The following USP38 variants were observed in gnomAD, a reference collection of about 807,000 sequenced individuals.
USP38 encodes ubiquitin carboxyl-terminal hydrolase 38.
USP38 carries 49 observed loss-of-function variants against 94.3 expected under a neutral mutation model. The ratio of observed to expected loss-of-function variants is 0.52; its 90% CI spans 0.41 to 0.66. The LOEUF is 0.66. Among genes scored for constraint, USP38 ranks in the 30% least tolerant of loss-of-function variants. USP38 has a pLI of 0.00. For missense variants in USP38, 1,128 were observed against 1,229.4 expected, an observed-to-expected ratio of 0.92 and a Z score of 1.23; for synonymous variants, 468 against 463.6, an observed-to-expected ratio of 1.01 and a Z score of -0.12.
chr4:143,190,862 C>T (rs1429838691), intron 2 of USP38, among the ~76,000 whole-genome samples: 1 of 152,060 alleles, frequency 6.6e-6, no homozygotes, highest in East Asian at 1.9e-4. Context: ...CCACTACCTA[C>T]TAAGTCGAAT....
intron 6 of USP38, among the ~76,000 whole-genome samples, chr4:143,208,542 C>G (rs1731934415): frequency 6.6e-6 from 1 of 152,030 alleles, no homozygotes; most frequent in Non-Finnish European, 1.5e-5. Context: ...AGAAAAATGT[C>G]TCTTAATTTG....
Position 143,220,749 on chromosome 4 carries a change from G to A in USP38, c.*293G>A, listed in dbSNP as rs1732304456. 4.8e-6 allele frequency: 1 copy of A among 210,462 alleles called. No individual in the cohort carries two copies. Among genetic ancestry groups the A allele is most frequent in the African/African-American group, 2.3e-5 (1 of 43,674 alleles). The allele number at this position is 210,462 out of a possible 1,614,324, so 13.0% of individuals were successfully genotyped here. A position where few individuals can be genotyped will look rare whatever the true frequency, so the allele number is the denominator to read the frequency against. On this transcript the variant is annotated 3_prime_UTR_variant, in exon 10 of 10. Transcript: ENST00000307017. ...TAATTAAGCTGCGTTAAATTTGGTA[G>A]AAGCATTTAAATGGTCTATCTTCAG...
chr4:143,208,497 A>C (rs1222079448), intron 6 of USP38, among the ~76,000 whole-genome samples: 1 of 152,108 alleles, frequency 6.6e-6, no homozygotes, highest in Non-Finnish European at 1.5e-5. Flanking sequence ...TACCTTTAGC[A>C]ACAAATCAGC....
rs1208474731 is a variant in USP38 at position 143,223,439 on chromosome 4, C to CA, written c.*2988dup. ...TACATTAATGCACATGTGGAAAGAACAAAAATTTTCAAGCTAAGTCTTAAG... is the reference window on the plus strand; with the variant it reads ...TACATTAATGCACATGTGGAAAGAACAAAAAATTTTCAAGCTAAGTCTTAAG... On this transcript the variant is annotated 3_prime_UTR_variant, in exon 10 of 10. Coordinates refer to ENST00000307017, the MANE Select transcript of USP38 (RefSeq NM_032557.6). 2 of 152,066 alleles carry CA rather than the reference C, an allele frequency of 1.3e-5. No homozygotes were observed. The highest frequency in any genetic ancestry group is 4.8e-5 in the African/African-American group (2 of 41,442). 9.4% of individuals were successfully genotyped at this position (152,066 alleles called of 1,614,324 possible).
At position 143,186,089 on chromosome 4, in the gene USP38, A is replaced by C. The variant is rs968710352; in HGVS notation, c.639A>C (p.Leu213=). Reference sequence around the variant, plus strand: ...TCTGGAAGGCCGAGCCTGCCACACTACTGCCTTCCCTGCAAGAAGTTTTTG... The same window carrying C: ...TCTGGAAGGCCGAGCCTGCCACACTCCTGCCTTCCCTGCAAGAAGTTTTTG... ...QNIWKAEPAT[L]LPSLQEVFAS... is the part of the protein sequence containing the mutation. Residue 213 remains leucine (L), a synonymous_variant, in exon 1 of 10, where the codon CTA becomes CTC. Coordinates refer to ENST00000307017, the MANE Select transcript of USP38 (RefSeq NM_032557.6). 1 of 1,614,030 alleles carries C rather than the reference A, an allele frequency of 6.2e-7. No homozygotes were observed. The highest frequency in any genetic ancestry group is 8.5e-7 in the Non-Finnish European group (1 of 1,180,016).
At chr4:143,218,019 T>C (rs1219844810) in intron 9 of USP38, among the ~76,000 whole-genome samples, 4 of 152,122 alleles carry the variant, frequency 2.6e-5, no homozygotes, top group African/African-American at 7.2e-5. Context: ...CAGTGAGAGA[T>C]TGTGTAATGC....
Position 143,185,129 on chromosome 4 carries a change from G to T in USP38, c.-322G>T, listed in dbSNP as rs928236729. On this transcript the variant is annotated 5_prime_UTR_variant, in exon 1 of 10. Transcript: ENST00000307017. Reference sequence around the variant, plus strand: ...CGGGCCCTGAGCTCCCGCCGACGCCGCTGGGGGGCCCGACAGGCCCCTCGG... The same window carrying T: ...CGGGCCCTGAGCTCCCGCCGACGCCTCTGGGGGGCCCGACAGGCCCCTCGG... 33 of 218,498 alleles carry T rather than the reference G, an allele frequency of 1.5e-4. No individual in the cohort carries two copies. Among genetic ancestry groups the T allele is most frequent in the Non-Finnish European group, 2.3e-4 (26 of 111,948 alleles). 13.5% of individuals were successfully genotyped at this position (218,498 alleles called of 1,614,324 possible). A position where few individuals can be genotyped will look rare whatever the true frequency, so the allele number is the denominator to read the frequency against.
chr4:143,202,156 A>C (rs1561242223), intron 4 of USP38, among the ~76,000 whole-genome samples: 1 of 152,318 alleles, frequency 6.6e-6, no homozygotes, highest in East Asian at 1.9e-4. Context: ...AGTATAATTC[A>C]TATTTGCTTA....
intron 9 of USP38, among the ~76,000 whole-genome samples, chr4:143,218,340 T>A (rs950504946): frequency 6.6e-6 from 1 of 152,116 alleles, no homozygotes; most frequent in African/African-American, 2.4e-5. Context: ...CTACTGAAAT[T>A]AGAATTAACT....
Position 143,213,602 on chromosome 4 carries a change from C to G in USP38, c.1626C>G (p.Ile542Met). ...LLDRLHEEEK[I>M]LKVQASHKPS... is the part of the protein sequence containing the mutation. ...GCAGGCTCCATGAAGAAGAAAAGATCTTGAAAGTTCAGGCCTCACACAAGC... is the reference window on the plus strand; with the variant it reads ...GCAGGCTCCATGAAGAAGAAAAGATGTTGAAAGTTCAGGCCTCACACAAGC... Residue 542 changes from isoleucine to methionine, a missense_variant, in exon 9 of 10, where the codon ATC becomes ATG. Ile to Met is a conservative substitution (Grantham distance 10). Coordinates refer to ENST00000307017, the MANE Select transcript of USP38 (RefSeq NM_032557.6). 4 of 1,606,018 alleles carry G rather than the reference C, an allele frequency of 2.5e-6. No homozygotes were observed. Among genetic ancestry groups the G allele is most frequent in the East Asian group, 2.2e-5 (1 of 44,718 alleles).
intron 6 of USP38, among the ~76,000 whole-genome samples, chr4:143,208,044 T>A (rs1480858020): frequency 1.3e-5 from 2 of 152,196 alleles, no homozygotes; most frequent in Non-Finnish European, 2.9e-5. Flanking sequence ...CATGTTTGTA[T>A]TTAATATGAA....
In USP38 at chr4:143,214,909, A is replaced by G; in HGVS notation, c.2933A>G (p.Asp978Gly). 6.2e-7 allele frequency: 1 copy of G among 1,613,050 alleles called. No individual in the cohort carries two copies. The highest frequency in any genetic ancestry group is 8.5e-7 in the Non-Finnish European group (1 of 1,179,508). ...CCACCTCTACAGAAAGAACTTATGG[A>G]TGCTATAACAAAAGACAATAAACTA... The part of the protein sequence containing the change: ...GDPPLQKELM[D>G]AITKDNKLYL... Residue 978 changes from aspartate (D) to glycine (G), a missense_variant, in exon 9 of 10, where the codon GAT becomes GGT. Physicochemically the swap from Asp to Gly is moderately conservative, Grantham distance 94. Transcript: ENST00000307017.
Position 143,214,362 on chromosome 4 carries a change from A to G in USP38, c.2386A>G (p.Arg796Gly), listed in dbSNP as rs776023772. 11 of 1,613,596 alleles carry G rather than the reference A, an allele frequency of 6.8e-6. No homozygotes were observed. The highest frequency in any genetic ancestry group is 9.3e-6 in the Non-Finnish European group (11 of 1,179,846). Reference protein sequence around the residue: ...LPLVLELPVKRITSFSSLSES... With the variant: ...LPLVLELPVKGITSFSSLSES... ...ACTGGTTTTGGAGTTGCCAGTTAAAAGAATTACTTCTTTCTCTTCATTGTC... is the reference window on the plus strand; with the variant it reads ...ACTGGTTTTGGAGTTGCCAGTTAAAGGAATTACTTCTTTCTCTTCATTGTC... Residue 796 changes from arginine (R) to glycine (G), a missense_variant, in exon 9 of 10, where the codon AGA (arginine) becomes GGA (glycine). Transcript: ENST00000307017.
At chr4:143,210,763 A>G (rs1372774679) in intron 7 of USP38, among the ~76,000 whole-genome samples, 2 of 151,948 alleles carry the variant, frequency 1.3e-5, no homozygotes, top group African/African-American at 4.8e-5. Context: ...AGAAGAAACA[A>G]TAGGTTGAGA....
At position 143,185,744 on chromosome 4, in the gene USP38, G is replaced by A. The variant is rs752647652; in HGVS notation, c.294G>A (p.Arg98=). The A allele has an allele frequency of 1.5e-5, 24 of 1,614,026 alleles. No individual in the cohort carries two copies. Among genetic ancestry groups the A allele is most frequent in the Admixed American group, 1.2e-4 (7 of 60,000 alleles). The stretch of plus-strand genomic sequence containing the variant: ...ATCAGGGCTACCACTCTCTGGACAG[G>A]AAGGATGTAGCCATCCTGGACTACA... The part of the protein sequence containing the change: ...LLHQGYHSLD[R]KDVAILDYIH... Residue 98 remains arginine, a synonymous_variant, in exon 1 of 10, where the codon AGG becomes AGA. Transcript: ENST00000307017.
chr4:143,206,427 CGCCTGTAATCCCA>C (rs1425216326), intron 6 of USP38, among the ~76,000 whole-genome samples: 2 of 152,156 alleles, frequency 1.3e-5, no homozygotes, highest in African/African-American at 2.4e-5. Flanking sequence ...TGGTGGCTCA[CGCCTGTAATCCCA>C]GCACTTTGGG....
rs1220682797 is a variant in USP38 at position 143,209,647 on chromosome 4, C to T, written c.1487C>T (p.Ala496Val). 1.2e-6 allele frequency: 2 copies of T among 1,602,332 alleles called. No homozygotes were observed. The highest frequency in any genetic ancestry group is 1.7e-6 in the Non-Finnish European group (2 of 1,170,778). ...TTACAGCATCTTTTTGCCTTTCTGG[C>T]CCATACACAGGTGAGTGTGTATGTG... is the stretch of plus-strand genomic sequence containing the variant. ...KKLQHLFAFL[A>V]HTQREAYAPR... The change falls in exon 7 of 10, where the codon GCC becomes GTC. Residue 496 changes from alanine (A) to valine (V), a missense_variant. Transcript: ENST00000307017.
At chr4:143,211,252 G>A (rs1235026640) in intron 7 of USP38, among the ~76,000 whole-genome samples, 1 of 152,178 alleles carries the variant, frequency 6.6e-6, no homozygotes, top group Non-Finnish European at 1.5e-5. Flanking sequence ...GCCTGACAGA[G>A]ATTATTTTAG....
chr4:143,200,824 G>A (rs1292825171), intron 4 of USP38, among the ~76,000 whole-genome samples: 1 of 152,068 alleles, frequency 6.6e-6, no homozygotes. Flanking sequence ...TAACCAGGGA[G>A]GTGAAAGATC....
Sources: allele counts gnomAD v4.1 joint callset (sites outside exome capture counted in the v4.1 genomes callset), GRCh38; gene constraint gnomAD v4.1.1; transcripts MANE v1.5; gene names NCBI Gene and HGNC (gene_info 2026-07-23, HGNC 2026-07-21).